Variants in SEC24C observed in about 807,000 individuals in gnomAD.
SEC24C encodes the protein SEC24 homolog C, COPII component.
In SEC24C, 22 loss-of-function variants were observed where a neutral mutation model predicts 117.0. That is an observed-to-expected ratio of 0.19 (90% CI 0.13 to 0.27). The LOEUF (loss-of-function observed/expected upper bound fraction) is 0.27. Among genes scored for constraint, SEC24C ranks in the 10% least tolerant of loss-of-function variants. The pLI is 1.00. For synonymous variants in SEC24C, 506 were observed against 529.4 expected (o/e 0.96, Z 0.61); for missense variants, 1,155 against 1,375.1 (o/e 0.84, Z 2.53).
At position 73,747,007 on chromosome 10, in the gene SEC24C, A is replaced by T. The variant is rs775783259; in HGVS notation, c.172+3A>T. 3.7e-6 allele frequency: 6 copies of T among 1,610,044 alleles called. No individual in the cohort carries two copies. The highest frequency in any genetic ancestry group is 4.2e-6 in the Non-Finnish European group (5 of 1,177,790). ...CTATCAGCAAACACCTCCCCAAGGT[A>T]TGTTTCTGTTTCTGTTTCCTTTGAG... On this transcript the variant is annotated splice_donor_region_variant and intron_variant, in intron 2 of 22. Transcript: ENST00000345254.
rs1360310141 is a variant in SEC24C, at chr10:73,759,778, T to C, written c.465T>C (p.Ser155=). 3.1e-6 allele frequency: 5 copies of C among 1,590,680 alleles called. No homozygotes were observed. The East Asian group carries it at 6.7e-5, about 21-fold the overall frequency. ...ISGAVAPAPP[S]SGLGFGPPTS... ...GTGCTGTGGCCCCAGCCCCTCCTTC[T>C]TCAGGGCTGGGCTTTGGTGAGTGGC... Residue 155 remains serine, a synonymous_variant, in exon 4 of 23, where the codon TCT becomes TCC. Coordinates refer to ENST00000345254, the MANE Select transcript of SEC24C (RefSeq NM_198597.3).
chr10:73,763,857 G>A lies in SEC24C; in HGVS notation c.1101G>A (p.Gly367=). Residue 367 remains glycine, a splice_region_variant and synonymous_variant, in exon 8 of 23, where the codon GGG becomes GGA. Transcript: ENST00000345254. ...VTTNFLVKDQ[G]NASPRYIRCT... ...CGGGTCTTCTGCCTCCTTCTTCAGGGAATGCAAGTCCCCGATACATCCGAT... is the reference window on the plus strand; with the variant it reads ...CGGGTCTTCTGCCTCCTTCTTCAGGAAATGCAAGTCCCCGATACATCCGAT... The A allele has an allele frequency of 6.2e-7, 1 of 1,613,272 alleles. No homozygotes were observed. The highest frequency in any genetic ancestry group is 8.5e-7 in the Non-Finnish European group (1 of 1,179,684).
chr10:73,759,523 T>A, intron 3 of SEC24C, 99 bp from the exon 4 acceptor site: 1 of 907,290 alleles, frequency 1.1e-6, no homozygotes. Context: ...GAGTAAGATG[T>A]CACAAAACAA....
chr10:73,760,621 C>G (rs746836965), intron 5 of SEC24C, 92 bp from the exon 6 acceptor site: 65 of 1,348,748 alleles, frequency 4.8e-5, no homozygotes, highest in Non-Finnish European at 6.2e-5. Context: ...CCTCATAATT[C>G]TATGTTTTTA....
Position 73,771,077 on chromosome 10 carries a change from T to G in SEC24C, c.3267T>G (p.Ile1089Met). Residue 1089 changes from isoleucine (I) to methionine (M), a missense_variant, in exon 23 of 23, where the codon ATT becomes ATG. Physicochemically the swap from Ile to Met is conservative, Grantham distance 10. Transcript: ENST00000345254. ...TTCTCTGTCATATGCACAAGGAGATTCGGCAGCTACTGAGCTAAAGCAAGT... is the reference window on the plus strand; with the variant it reads ...TTCTCTGTCATATGCACAAGGAGATGCGGCAGCTACTGAGCTAAAGCAAGT... ...VDFLCHMHKE[I>M]RQLLS is the part of the protein sequence containing the mutation. The G allele has an allele frequency of 6.2e-7, 1 of 1,614,060 alleles. No homozygotes were observed. The highest frequency in any genetic ancestry group is 8.5e-7 in the Non-Finnish European group (1 of 1,180,018).
chr10:73,752,985 T>C (rs983809463), intron 3 of SEC24C, among the ~76,000 whole-genome samples: 1 of 152,134 alleles, frequency 6.6e-6, no homozygotes, highest in Non-Finnish European at 1.5e-5. Context: ...ATTCAAACAT[T>C]ATTCTCTCCC....
At chr10:73,766,004 G>A (rs1170704752) in intron 10 of SEC24C, 82 bp from the exon 11 acceptor site, 1 of 1,587,560 alleles carries the variant, frequency 6.3e-7, no homozygotes, top group African/African-American at 1.4e-5. Flanking sequence ...CCCCTTTTTT[G>A]TCCCTTTTTG....
intron 3 of SEC24C, among the ~76,000 whole-genome samples, chr10:73,758,950 CTG>C (rs2082753387): frequency 6.6e-6 from 1 of 152,132 alleles, no homozygotes; most frequent in Admixed American, 6.6e-5. Flanking sequence ...TGGAAAGACA[CTG>C]TGGTAGACTG....
chr10:73,765,391 T>C lies in SEC24C; in HGVS notation c.1228-60T>C. The C allele has an allele frequency of 1.9e-6, 3 of 1,578,720 alleles. No homozygotes were observed. The South Asian group carries it at 3.3e-5, about 18-fold the overall frequency. On this transcript the variant is annotated intron_variant, in intron 8 of 22. Coordinates refer to ENST00000345254, the MANE Select transcript of SEC24C (RefSeq NM_198597.3). Reference sequence around the variant, plus strand: ...CTTCCTCCGGTTGTTCTTCCTCATCTCCTGGCTGAACCTACTGTGGTTTTC... The same window carrying C: ...CTTCCTCCGGTTGTTCTTCCTCATCCCCTGGCTGAACCTACTGTGGTTTTC...
In SEC24C at chr10:73,771,074, G is replaced by A; in HGVS notation, c.3264G>A (p.Glu1088=). The A allele has an allele frequency of 6.2e-7, 1 of 1,614,142 alleles. No homozygotes were observed. The highest frequency in any genetic ancestry group is 8.5e-7 in the Non-Finnish European group (1 of 1,180,032). Residue 1088 remains glutamate (E), a synonymous_variant, in exon 23 of 23, where the codon GAG becomes GAA. Coordinates refer to ENST00000345254, the MANE Select transcript of SEC24C (RefSeq NM_198597.3). ...YVDFLCHMHK[E]IRQLLS ...ACTTTCTCTGTCATATGCACAAGGA[G>A]ATTCGGCAGCTACTGAGCTAAAGCA...
At chr10:73,757,876 G>A (rs1001837184) in intron 3 of SEC24C, among the ~76,000 whole-genome samples, 18 of 138,384 alleles carry the variant, frequency 1.3e-4, no homozygotes, top group African/African-American at 4.4e-4. Flanking sequence ...CAGATAGTGA[G>A]TGCCATTGTA....
At chr10:73,745,674 C>G (rs1207800570) in intron 1 of SEC24C, among the ~76,000 whole-genome samples, 3 of 151,662 alleles carry the variant, frequency 2.0e-5, no homozygotes, top group East Asian at 2.0e-4. Flanking sequence ...CTCAGCCTCC[C>G]AAGTAGCTGG....
At position 73,769,941 on chromosome 10, in the gene SEC24C, T is replaced by C; in HGVS notation, c.2788T>C (p.Tyr930His). Residue 930 changes from tyrosine (Y) to histidine (H), a missense_variant, in exon 20 of 23, where the codon TAT (tyrosine) becomes CAT (histidine). Tyr to His is a moderately conservative substitution (Grantham distance 83, BLOSUM62 2). Around this residue, in one of 2 missense-constraint regions of SEC24C, gnomAD observed 759 missense variants for 992.3 expected, o/e 0.76. Coordinates refer to ENST00000345254, the MANE Select transcript of SEC24C (RefSeq NM_198597.3). The surrounding 1 kb of genome is among the most constrained non-coding windows in gnomAD (Gnocchi z 4.5). ...GAEVTTDDRA[Y>H]VRQLVTSMDV... ...TGAAGTCACTACTGATGACCGTGCC[T>C]ATGTCCGACAGCTAGTTACCTCCAT... 3 of 1,614,194 alleles carry C rather than the reference T, an allele frequency of 1.9e-6. No individual in the cohort carries two copies. Among genetic ancestry groups the C allele is most frequent in the Non-Finnish European group, 2.5e-6 (3 of 1,180,016 alleles).
Position 73,764,075 on chromosome 10 carries a change from T to C in SEC24C, c.1227+92T>C, listed in dbSNP as rs2082842585. Reference sequence around the variant, plus strand: ...CCTGGATGTGATTCCAGCTTCACAATGGAAGATATTTTAGTTAGGCAGGAG... The same window carrying C: ...CCTGGATGTGATTCCAGCTTCACAACGGAAGATATTTTAGTTAGGCAGGAG... On this transcript the variant is annotated intron_variant, in intron 8 of 22. Transcript: ENST00000345254. The C allele has an allele frequency of 6.2e-6, 9 of 1,443,364 alleles. No individual in the cohort carries two copies. In the East Asian group the frequency reaches 2.1e-4, roughly 33 times the overall value. 89.4% of individuals were successfully genotyped at this position (1,443,364 alleles called of 1,614,324 possible). A position where few individuals can be genotyped will look rare whatever the true frequency, so the allele number is the denominator to read the frequency against.
In SEC24C at chr10:73,769,586, C is replaced by CCAGTGACT. The variant is rs766549935; in HGVS notation, c.2564-28_2564-21dup. On this transcript the variant is annotated intron_variant, in intron 18 of 22. Coordinates refer to ENST00000345254, the MANE Select transcript of SEC24C (RefSeq NM_198597.3). This position sits in a 1 kb window ranked among gnomAD's most constrained non-coding sequence, Gnocchi z 4.5. ...GAATGCACACATGATGGGCAGCTGACCAGTGACTATCTTTGCTTTCCCATC... is the reference window on the plus strand; with the variant it reads ...GAATGCACACATGATGGGCAGCTGACCAGTGACTCAGTGACTATCTTTGCTTTCCCATC... 2.5e-6 allele frequency: 4 copies of CCAGTGACT among 1,613,012 alleles called. No individual in the cohort carries two copies.
chr10:73,759,996 C>G (rs776747017), intron 4 of SEC24C, 22 bp from the exon 5 acceptor site: 2 of 1,542,118 alleles, frequency 1.3e-6, no homozygotes, highest in South Asian at 1.2e-5. Flanking sequence ...GCTTTTGACT[C>G]TACCTTTATT....
intron 3 of SEC24C, among the ~76,000 whole-genome samples, chr10:73,752,517 G>A (rs1354317499): frequency 2.0e-5 from 3 of 152,184 alleles, no homozygotes; most frequent in Non-Finnish European, 4.4e-5. Flanking sequence ...CACTTTAACT[G>A]GGTGTCCAGA....
chr10:73,761,130 T>A lies in SEC24C; in HGVS notation c.987+281T>A, dbSNP rs376836204. ...GGCTGCACTCTGTCACTACTGTACA[T>A]ACATAGTATAGTAGCCTTTGTCCTT... On this transcript the variant is annotated intron_variant, in intron 6 of 22. Transcript: ENST00000345254. 9.7e-4 allele frequency among the ~76,000 whole-genome samples: 147 copies of A among 152,326 alleles called. 3 individuals are homozygous for A. In the South Asian group the frequency reaches 0.02, roughly 21 times the overall value.
intron 3 of SEC24C, among the ~76,000 whole-genome samples, chr10:73,757,278 C>A (rs1201308092): frequency 1.4e-5 from 2 of 144,726 alleles, no homozygotes; most frequent in East Asian, 2.1e-4. Flanking sequence ...AATCTCAACA[C>A]CTTGGGAGGC....
Sources: allele counts gnomAD v4.1 joint callset (sites outside exome capture counted in the v4.1 genomes callset), GRCh38; gene constraint gnomAD v4.1.1; regional missense constraint gnomAD v4.1.1; non-coding constraint Gnocchi (gnomAD v3.1); transcripts MANE v1.5; gene names NCBI Gene and HGNC (gene_info 2026-07-23, HGNC 2026-07-21).